The following ACOT11 variants were observed in gnomAD, a reference collection of about 807,000 sequenced individuals.
ACOT11 encodes the protein acyl-coenzyme A thioesterase 11.
Under a neutral mutation model 77.5 loss-of-function variants are expected in ACOT11, and 69 were observed. The observed-to-expected ratio is 0.89, with a 90% confidence interval of 0.73 to 1.09. The LOEUF (loss-of-function observed/expected upper bound fraction) is 1.09. ACOT11 is among the 50% of genes least tolerant of loss of function. The pLI, the probability that ACOT11 is intolerant of heterozygous loss-of-function variation, is 0.00. For synonymous variants in ACOT11, 279 were observed against 313.0 expected, an observed-to-expected ratio of 0.89 and a Z score of 1.15; for missense variants, 766 against 813.7, an observed-to-expected ratio of 0.94 and a Z score of 0.71.
chr1:54,625,362 G>C (rs756129178), intron 15 of ACOT11, among the ~76,000 whole-genome samples: 2 of 152,140 alleles, frequency 1.3e-5, no homozygotes, highest in Non-Finnish European at 2.9e-5. Flanking sequence ...AGACAGTAAG[G>C]GGGCTGTAGA....
intron 1 of ACOT11, among the ~76,000 whole-genome samples, chr1:54,563,527 G>T (rs1423769583): frequency 6.6e-6 from 1 of 152,192 alleles, no homozygotes; most frequent in Admixed American, 6.5e-5. Context: ...AACTTAGTAG[G>T]TGCTTAGTAA....
chr1:54,631,224 A>G (rs1644298090), intron 16 of ACOT11, among the ~76,000 whole-genome samples: 1 of 152,218 alleles, frequency 6.6e-6, no homozygotes, highest in Admixed American at 6.5e-5. Context: ...CTATTCAGGC[A>G]GGAATTCAGC....
intron 9 of ACOT11, among the ~76,000 whole-genome samples, chr1:54,601,644 G>A (rs112059842): frequency 6.6e-6 from 1 of 152,212 alleles, no homozygotes; most frequent in African/African-American, 2.4e-5. Context: ...GGTCTGGCTC[G>A]GAGTTGGGGG....
rs754546540 is a variant in ACOT11 at position 54,594,675 on chromosome 1, C to G, written c.591C>G (p.Asn197Lys). ...ACACCATCAAGGACCTCCTGGCCAA[C>G]TGCGCCATTCAGGGCGGTGAGCAGC... is the stretch of plus-strand genomic sequence containing the variant. The part of the protein sequence containing the change: ...YADTIKDLLA[N>K]CAIQGDLESR... Residue 197 changes from asparagine (N) to lysine (K), a missense_variant, in exon 6 of 16, where the codon AAC becomes AAG. Transcript: ENST00000343744. 8 of 1,613,358 alleles carry G rather than the reference C, an allele frequency of 5.0e-6. No homozygotes were observed. The highest frequency in any genetic ancestry group is 6.8e-6 in the Non-Finnish European group (8 of 1,179,562).
At chr1:54,588,358 C>T (rs1017675773) in intron 3 of ACOT11, among the ~76,000 whole-genome samples, 4 of 152,140 alleles carry the variant, frequency 2.6e-5, no homozygotes, top group Non-Finnish European at 4.4e-5. Context: ...TTTTTAATTA[C>T]GTTAACTTAT....
chr1:54,617,769 G>T (rs1472657414), intron 15 of ACOT11, among the ~76,000 whole-genome samples: 1 of 127,020 alleles, frequency 7.9e-6, no homozygotes. Flanking sequence ...TGTTGCCCAG[G>T]CTGGAGTGCT....
At chr1:54,633,021 A>G (rs925820898) in intron 16 of ACOT11, among the ~76,000 whole-genome samples, 3 of 152,208 alleles carry the variant, frequency 2.0e-5, no homozygotes, top group African/African-American at 7.2e-5. Context: ...AATGCATGAA[A>G]TGGGGTATGT....
Position 54,609,729 on chromosome 1 carries a change from TG to T in ACOT11, c.*619del, listed in dbSNP as rs1644092309. 1 of 1,614,022 alleles carries T rather than the reference TG, an allele frequency of 6.2e-7. No individual in the cohort carries two copies. Among genetic ancestry groups the T allele is most frequent in the African/African-American group, 1.3e-5 (1 of 74,950 alleles). On this transcript the variant is annotated 3_prime_UTR_variant, in exon 16 of 16. Transcript: ENST00000343744. ...ACAGGCCAATGCAAGAGGCCAAGGC[TG>T]GAGAGGCGTGCCAGCAAGGCCAGGG...
intron 16 of ACOT11, among the ~76,000 whole-genome samples, chr1:54,632,914 C>T (rs781590313): frequency 1.3e-5 from 2 of 152,136 alleles, no homozygotes; most frequent in African/African-American, 2.4e-5. Flanking sequence ...ATTATAACTT[C>T]TGTACCTATA....
At chr1:54,597,169 G>T in intron 6 of ACOT11, 90 bp from the exon 7 acceptor site, 1 of 1,528,070 alleles carries the variant, frequency 6.5e-7, no homozygotes, top group South Asian at 1.1e-5. Context: ...GGGTAGAGTG[G>T]TGGGGGTCCC....
intron 5 of ACOT11, 152 bp from the exon 6 acceptor site, chr1:54,594,404 A>G: frequency 1.9e-6 from 2 of 1,072,706 alleles, no homozygotes; most frequent in Non-Finnish European, 2.6e-6. Context: ...AGGCAGGAAG[A>G]TGGGGCAAAG....
At chr1:54,567,396 A>G (rs1342949944) in intron 1 of ACOT11, among the ~76,000 whole-genome samples, 3 of 150,646 alleles carry the variant, frequency 2.0e-5, no homozygotes, top group Non-Finnish European at 4.4e-5. Context: ...CTCCTGCCTC[A>G]GCCTCCGGAG....
intron 1 of ACOT11, chr1:54,573,110 G>A (rs1413333936): frequency 8.1e-6 from 8 of 985,350 alleles, no homozygotes; most frequent in Non-Finnish European, 9.6e-6. Flanking sequence ...CTTCTTGGAA[G>A]TCCTGGCTCC....
intron 1 of ACOT11, among the ~76,000 whole-genome samples, chr1:54,583,464 C>T (rs553915398): frequency 1.3e-5 from 2 of 152,324 alleles, no homozygotes; most frequent in South Asian, 2.1e-4. Flanking sequence ...GCAGCCGTGG[C>T]AGGCTCACCA....
intron 15 of ACOT11, among the ~76,000 whole-genome samples, chr1:54,620,674 G>T (rs1557674545): frequency 7.0e-6 from 1 of 142,298 alleles, no homozygotes; most frequent in Admixed American, 7.0e-5. Flanking sequence ...GTGAAACCAT[G>T]TCTCTACTAC....
intron 1 of ACOT11, among the ~76,000 whole-genome samples, chr1:54,552,180 G>C (rs1283169223): frequency 6.6e-6 from 1 of 152,166 alleles, no homozygotes; most frequent in Non-Finnish European, 1.5e-5. Context: ...GAATGTTTGT[G>C]AAGGGTTTGT....
chr1:54,602,631 T>G (rs778789782), intron 9 of ACOT11, 38 bp from the exon 10 acceptor site: 1 of 1,471,420 alleles, frequency 6.8e-7, no homozygotes, highest in Non-Finnish European at 9.0e-7. Context: ...GGACGGAGGG[T>G]GGGGGTAGCT....
intron 10 of ACOT11, 82 bp downstream of exon 10, chr1:54,602,806 C>T: frequency 5.8e-6 from 8 of 1,381,138 alleles, no homozygotes; most frequent in Non-Finnish European, 6.7e-6. Flanking sequence ...CGCTTTTCTT[C>T]AGAGCTGCCT....
chr1:54,616,518 C>A (rs1238268628), intron 15 of ACOT11, among the ~76,000 whole-genome samples: 1 of 151,992 alleles, frequency 6.6e-6, no homozygotes, highest in Non-Finnish European at 1.5e-5. Flanking sequence ...AATTTACAGG[C>A]GTGTGCCACC....
Sources: allele counts gnomAD v4.1 joint callset (sites outside exome capture counted in the v4.1 genomes callset), GRCh38; gene constraint gnomAD v4.1.1; transcripts MANE v1.5; gene names NCBI Gene and HGNC (gene_info 2026-07-23, HGNC 2026-07-21).